The following JAK3 variants were observed in gnomAD, a reference collection of about 807,000 sequenced individuals.
JAK3 encodes tyrosine-protein kinase JAK3.
JAK3 carries 88 observed loss-of-function variants against 120.8 expected under a neutral mutation model. That is an observed-to-expected ratio of 0.73 (90% CI 0.61 to 0.87). The LOEUF (loss-of-function observed/expected upper bound fraction) is 0.87, where lower values mean the gene tolerates loss of function less well. Among genes scored for constraint, JAK3 ranks in the 40% least tolerant of loss-of-function variants. The pLI is 0.00. For synonymous variants in JAK3, 592 were observed against 628.6 expected, an observed-to-expected ratio of 0.94 and a Z score of 0.87; for missense variants, 1,254 against 1,501.4, an observed-to-expected ratio of 0.84 and a Z score of 2.72.
Position 17,843,106 on chromosome 19 carries a change from G to T in JAK3, c.487C>A (p.Leu163Ile). The T allele has an allele frequency of 6.2e-7, 1 of 1,610,312 alleles. No individual in the cohort carries two copies. The change falls in exon 5 of 24, where the codon CTC becomes ATC. Residue 163 changes from leucine to isoleucine, a missense_variant. Leu to Ile is a conservative substitution (Grantham distance 5). Transcript: ENST00000458235. This position sits in a 1 kb window ranked among gnomAD's most constrained non-coding sequence, Gnocchi z 5.4. ...GCCAGGTCCAACACGGCCAGGCTGA[G>T]ACACTCACCCTGCTCCTTGAGACTG... Reference protein sequence around the residue: ...GLSLKEQGECLSLAVLDLARM... With the variant: ...GLSLKEQGECISLAVLDLARM...
chr19:17,841,209 G>T lies in JAK3; in HGVS notation c.1142+180C>A, dbSNP rs1339757683. Reference sequence around the variant, plus strand: ...CCTGGGGTCAGAGAGAGAGAGAGTAGTGGTCGCCCTGTGAAGCAGAAGGAA... The same window carrying T: ...CCTGGGGTCAGAGAGAGAGAGAGTATTGGTCGCCCTGTGAAGCAGAAGGAA... On this transcript the variant is annotated intron_variant, in intron 8 of 23. Transcript: ENST00000458235. This position sits in a 1 kb window ranked among gnomAD's most constrained non-coding sequence, Gnocchi z 4.1. Among the ~76,000 whole-genome samples the T allele has an allele frequency of 6.6e-6, 1 of 152,184 alleles. No individual in the cohort carries two copies. The highest frequency in any genetic ancestry group is 1.5e-5 in the Non-Finnish European group (1 of 68,036).
rs1438826668 is a variant in JAK3 at position 17,843,102 on chromosome 19, C to G, written c.491G>C (p.Ser164Thr). The G allele has an allele frequency of 5.0e-6, 8 of 1,610,186 alleles. No individual in the cohort carries two copies. Among genetic ancestry groups the G allele is most frequent in the Non-Finnish European group, 1.7e-6 (2 of 1,179,948 alleles). The change falls in exon 5 of 24, where the codon AGC (serine) becomes ACC (threonine). Residue 164 changes from serine to threonine, a missense_variant. Around this residue, in one of 3 missense-constraint regions of JAK3, gnomAD observed 486 missense variants for 503.0 expected, o/e 0.97. Coordinates refer to ENST00000458235, the MANE Select transcript of JAK3 (RefSeq NM_000215.4). This position sits in a 1 kb window ranked among gnomAD's most constrained non-coding sequence, Gnocchi z 5.4. ...LSLKEQGECL[S>T]LAVLDLARMA... The stretch of plus-strand genomic sequence containing the variant: ...CCGGGCCAGGTCCAACACGGCCAGG[C>G]TGAGACACTCACCCTGCTCCTTGAG...
chr19:17,840,741 C>T (rs1006147366), intron 8 of JAK3, among the ~76,000 whole-genome samples: 1 of 150,278 alleles, frequency 6.7e-6, no homozygotes, highest in Admixed American at 6.6e-5. Context: ...CCAGCCTGGG[C>T]GACAGAGCCA....
Position 17,839,535 on chromosome 19 carries a change from C to A in JAK3, c.1383G>T (p.Gly461=). ...RELLATCWDG[G]LHVDGVAVTL... ...TCACTGCCACCCCATCTACGTGCAG[C>A]CCCCCATCCCAGCAGGTTGCCAGGA... Residue 461 remains glycine (G), a synonymous_variant, in exon 10 of 24, where the codon GGG becomes GGT. Transcript: ENST00000458235. 2 of 1,602,480 alleles carry A rather than the reference C, an allele frequency of 1.2e-6. No homozygotes were observed. Among genetic ancestry groups the A allele is most frequent in the Admixed American group, 1.7e-5 (1 of 58,092 alleles).
intron 21 of JAK3, 124 bp from the exon 22 acceptor site, chr19:17,830,744 G>C (rs1016784116): frequency 6.5e-6 from 5 of 764,294 alleles, no homozygotes; most frequent in Non-Finnish European, 9.2e-6. Flanking sequence ...CCGTCTCCAG[G>C]GTCTCGGTTT....
At chr19:17,838,911 T>C (rs1263409051) in intron 10 of JAK3, among the ~76,000 whole-genome samples, 1 of 152,052 alleles carries the variant, frequency 6.6e-6, no homozygotes, top group Non-Finnish European at 1.5e-5. Context: ...AGATGGAGTT[T>C]CACCATGTTG....
At chr19:17,839,442 A>T in intron 10 of JAK3, 35 bp downstream of exon 10, 5 of 1,545,360 alleles carry the variant, frequency 3.2e-6, no homozygotes, top group Non-Finnish European at 4.4e-6. Context: ...AGGGTCCCAG[A>T]TCAGCCACTC....
In JAK3 at chr19:17,831,433, A is replaced by T. The variant is rs2094214350; in HGVS notation, c.2806-33T>A. The stretch of plus-strand genomic sequence containing the variant: ...CGGGCGGTGTGAGCGTGCAGAGAGG[A>T]TCCCAGGATAATCCGGCAGGTACCC... On this transcript the variant is annotated intron_variant, in intron 20 of 23. Coordinates refer to ENST00000458235, the MANE Select transcript of JAK3 (RefSeq NM_000215.4). This position sits in a 1 kb window ranked among gnomAD's most constrained non-coding sequence, Gnocchi z 5.1. The T allele has an allele frequency of 6.3e-7, 1 of 1,599,152 alleles. No homozygotes were observed. The highest frequency in any genetic ancestry group is 1.1e-5 in the South Asian group (1 of 91,040).
rs1173998375 is a variant in JAK3, at chr19:17,838,335, C to T, written c.1497G>A (p.Leu499=). 1 of 1,614,058 alleles carries T rather than the reference C, an allele frequency of 6.2e-7. No homozygotes were observed. Among genetic ancestry groups the T allele is most frequent in the Non-Finnish European group, 8.5e-7 (1 of 1,180,020 alleles). ...QRGHSPPTSS[L]VQPQSQYQLS... The stretch of plus-strand genomic sequence containing the variant: ...GCTGGTATTGGGATTGGGGCTGAAC[C>T]AAGGATGATGTGGGTGGGCTGTGAC... Residue 499 remains leucine, a synonymous_variant, in exon 11 of 24, where the codon TTG becomes TTA. Transcript: ENST00000458235.
At chr19:17,840,435 G>A in intron 8 of JAK3, 94 bp from the exon 9 acceptor site, 2 of 844,766 alleles carry the variant, frequency 2.4e-6, no homozygotes, top group South Asian at 1.4e-5. Flanking sequence ...GTAGCCCTGG[G>A]ATCCTTGCCA....
chr19:17,834,814 G>T (rs768787926), intron 16 of JAK3, 38 bp downstream of exon 16: 5 of 1,613,682 alleles, frequency 3.1e-6, no homozygotes, highest in South Asian at 1.1e-5. Context: ...CTGTCAAAGT[G>T]GGGGTTCGGA....
At position 17,842,665 on chromosome 19, in the gene JAK3, G is replaced by C. The variant is rs974191365; in HGVS notation, c.567-55C>G. On this transcript the variant is annotated intron_variant, in intron 5 of 23. Transcript: ENST00000458235. This position sits in a 1 kb window ranked among gnomAD's most constrained non-coding sequence, Gnocchi z 6.4. ...CCTCAGCGTCGGGAGGGGTCCCCGC[G>C]GGGACACACACAAACCCAGGCTTTA... 3.4e-6 allele frequency: 5 copies of C among 1,475,958 alleles called. No homozygotes were observed. In the African/African-American group the frequency reaches 7.0e-5, roughly 21 times the overall value. The allele number at this position is 1,475,958 out of a possible 1,614,324, so 91.4% of individuals were successfully genotyped here.
chr19:17,831,569 C>T lies in JAK3; in HGVS notation c.2805+105G>A. The T allele has an allele frequency of 2.0e-6, 3 of 1,514,948 alleles. No homozygotes were observed. Among genetic ancestry groups the T allele is most frequent in the Non-Finnish European group, 2.7e-6 (3 of 1,126,612 alleles). The allele number at this position is 1,514,948 out of a possible 1,614,324, so 93.8% of individuals were successfully genotyped here. A position where few individuals can be genotyped will look rare whatever the true frequency, so the allele number is the denominator to read the frequency against. ...TAAGCCAACCCCACCACTCCCGAGACCTGGACCCCAAACCACTCCTCAGCC... is the reference window on the plus strand; with the variant it reads ...TAAGCCAACCCCACCACTCCCGAGATCTGGACCCCAAACCACTCCTCAGCC... On this transcript the variant is annotated intron_variant, in intron 20 of 23. Transcript: ENST00000458235. The surrounding 1 kb of genome is among the most constrained non-coding windows in gnomAD (Gnocchi z 5.1).
In JAK3 at chr19:17,831,999, G is replaced by A. The variant is rs3212772; in HGVS notation, c.2681-201C>T. Among the ~76,000 whole-genome samples, 3,845 of 152,314 alleles carry A rather than the reference G, an allele frequency of 0.025. 176 individuals carry two copies. Among genetic ancestry groups the A allele is most frequent in the African/African-American group, 0.087 (3,612 of 41,554 alleles). ...TGATGTGTTTATATATCACGGCCAG[G>A]TGCAGTGGCTCACGCCTGTAATCCC... On this transcript the variant is annotated intron_variant, in intron 19 of 23. Coordinates refer to ENST00000458235, the MANE Select transcript of JAK3 (RefSeq NM_000215.4). The surrounding 1 kb of genome is among the most constrained non-coding windows in gnomAD (Gnocchi z 5.1).
At chr19:17,835,817 C>A (rs567281702) in intron 14 of JAK3, 107 bp downstream of exon 14, 3 of 1,459,560 alleles carry the variant, frequency 2.1e-6, no homozygotes, top group Non-Finnish European at 2.8e-6. Flanking sequence ...CCCCTCGAAC[C>A]CTTACCAAAC....
At position 17,832,873 on chromosome 19, in the gene JAK3, A is replaced by G; in HGVS notation, c.2407T>C (p.Trp803Arg). The change falls in exon 18 of 24, where the codon TGG becomes CGG. Residue 803 changes from tryptophan to arginine, a missense_variant. Physicochemically the swap from Trp to Arg is moderately radical, Grantham distance 101. Coordinates refer to ENST00000458235, the MANE Select transcript of JAK3 (RefSeq NM_000215.4). The surrounding 1 kb of genome is among the most constrained non-coding windows in gnomAD (Gnocchi z 4.7). The stretch of plus-strand genomic sequence containing the variant: ...CAGGCATAGAGCTGGGCACCATTCC[A>G]CAGCCCATCACGAGGTGCCAGGGCA... ...PGALAPRDGLWNGAQLYACQD... is the reference protein window; with the variant it reads ...PGALAPRDGLRNGAQLYACQD... 1.9e-6 allele frequency: 3 copies of G among 1,614,166 alleles called. No individual in the cohort carries two copies. The highest frequency in any genetic ancestry group is 2.2e-5 in the East Asian group (1 of 44,886).
Position 17,842,796 on chromosome 19 carries a change from C to G in JAK3, c.567-186G>C. ...CCTCAGAGTAGGGGAGGGCCATTGG[C>G]GCCCACAGGTCGGACAGGGACCCCA... On this transcript the variant is annotated intron_variant, in intron 5 of 23. Transcript: ENST00000458235. This position sits in a 1 kb window ranked among gnomAD's most constrained non-coding sequence, Gnocchi z 6.4. 1 of 830,858 alleles carries G rather than the reference C, an allele frequency of 1.2e-6. No individual in the cohort carries two copies. Among genetic ancestry groups the G allele is most frequent in the Non-Finnish European group, 1.9e-6 (1 of 536,688 alleles). The allele number at this position is 830,858 out of a possible 1,614,324, so 51.5% of individuals were successfully genotyped here. A position where few individuals can be genotyped will look rare whatever the true frequency, so the allele number is the denominator to read the frequency against.
chr19:17,830,703 A>G, intron 21 of JAK3, 83 bp from the exon 22 acceptor site: 1 of 1,105,678 alleles, frequency 9.0e-7, no homozygotes, highest in Non-Finnish European at 1.4e-6. Context: ...GGAACTGGTC[A>G]GGGTAGGTGG....
Position 17,831,993 on chromosome 19 carries a change from G to A in JAK3, c.2681-195C>T, listed in dbSNP as rs773176839. Among the ~76,000 whole-genome samples the A allele has an allele frequency of 5.1e-4, 77 of 152,158 alleles. No individual in the cohort carries two copies. The highest frequency in any genetic ancestry group is 9.8e-4 in the Non-Finnish European group (67 of 68,036). On this transcript the variant is annotated intron_variant, in intron 19 of 23. Coordinates refer to ENST00000458235, the MANE Select transcript of JAK3 (RefSeq NM_000215.4). The surrounding 1 kb of genome is among the most constrained non-coding windows in gnomAD (Gnocchi z 5.1). Reference sequence around the variant, plus strand: ...ATACATTGATGTGTTTATATATCACGGCCAGGTGCAGTGGCTCACGCCTGT... The same window carrying A: ...ATACATTGATGTGTTTATATATCACAGCCAGGTGCAGTGGCTCACGCCTGT...
Sources: gnomAD v4.1 joint callset for allele counts (sites outside exome capture counted in the v4.1 genomes callset) on GRCh38, gnomAD v4.1.1 for gene constraint, gnomAD v4.1.1 regional missense constraint, Gnocchi (gnomAD v3.1) non-coding constraint, MANE v1.5 for transcripts, NCBI Gene and HGNC (gene_info 2026-07-23, HGNC 2026-07-21) for gene names.